The following KLHL26 variants were observed in gnomAD, a reference collection of about 807,000 sequenced individuals.
The protein encoded by KLHL26 is kelch like family member 26.
In KLHL26, 4 loss-of-function variants were observed where a neutral mutation model predicts 7.1. The ratio of observed to expected loss-of-function variants is 0.56; its 90% CI spans 0.28 to 1.28. KLHL26 has a LOEUF of 1.28. Among genes scored for constraint, KLHL26 ranks in the 50% most tolerant of loss-of-function variants. KLHL26 has a pLI of 0.11. For synonymous variants in KLHL26, 465 were observed against 414.1 expected (o/e 1.12, Z -1.49); for missense variants, 896 against 924.6 (o/e 0.97, Z 0.40).
chr19:18,637,581 CAAG>C, intron 1 of KLHL26, among the ~76,000 whole-genome samples: 1 of 151,612 alleles, frequency 6.6e-6, no homozygotes, highest in Non-Finnish European at 1.5e-5. Context: ...TGAAGGGCCC[CAAG>C]GTGGCTAAAG....
rs1466306181 is a variant in KLHL26, at chr19:18,668,532, G to A, written c.1135G>A (p.Ala379Thr). ...QHLQYRSGEG[A>T]VDACYRYDPH... is the part of the protein sequence containing the mutation. ...CCTGCAGTACCGCAGCGGCGAGGGC[G>A]CAGTGGACGCCTGCTACCGCTACGA... Residue 379 changes from alanine (A) to threonine (T), a missense_variant, in exon 3 of 3, where the codon GCA (alanine) becomes ACA (threonine). Transcript: ENST00000300976. The A allele has an allele frequency of 1.3e-6, 2 of 1,595,280 alleles. No individual in the cohort carries two copies. Among genetic ancestry groups the A allele is most frequent in the South Asian group, 1.1e-5 (1 of 90,656 alleles).
intron 2 of KLHL26, 106 bp from the exon 3 acceptor site, chr19:18,667,558 C>T (rs768542631): frequency 4.6e-4 from 689 of 1,503,598 alleles, no homozygotes; most frequent in Non-Finnish European, 5.9e-4. Context: ...TGGCTGTGCC[C>T]TGTGTTCTGT....
intron 1 of KLHL26, among the ~76,000 whole-genome samples, chr19:18,654,420 C>T (rs1190243703): frequency 1.3e-5 from 2 of 150,090 alleles, no homozygotes; most frequent in East Asian, 4.0e-4. Context: ...CATCTACTCA[C>T]CTATCACTAT....
chr19:18,664,192 T>C (rs1600707188), intron 1 of KLHL26, 69 bp from the exon 2 acceptor site: 1 of 1,387,342 alleles, frequency 7.2e-7, no homozygotes, highest in Non-Finnish European at 9.7e-7. Flanking sequence ...TTGCACTGAG[T>C]GTTGTGTTCA....
chr19:18,638,848 G>C (rs546731386), intron 1 of KLHL26, among the ~76,000 whole-genome samples: 81 of 149,424 alleles, frequency 5.4e-4, no homozygotes, highest in African/African-American at 1.9e-3. Context: ...CTACAGGTGT[G>C]CACCACCACA....
chr19:18,650,274 CAG>C lies in KLHL26; in HGVS notation c.83+13142_83+13143del, dbSNP rs1323640735. Among the ~76,000 whole-genome samples, 1 of 152,180 alleles carries C rather than the reference CAG, an allele frequency of 6.6e-6. No individual in the cohort carries two copies. The highest frequency in any genetic ancestry group is 2.4e-5 in the African/African-American group (1 of 41,440). On this transcript the variant is annotated intron_variant, in intron 1 of 2. Transcript: ENST00000300976. This position sits in a 1 kb window ranked among gnomAD's most constrained non-coding sequence, Gnocchi z 4.2. Reference sequence around the variant, plus strand: ...AGGCAGTCTGCCTAAGGAGGCAGAGCAGAGAGGCATGTGATCACCCAGATCGT... The same window carrying C: ...AGGCAGTCTGCCTAAGGAGGCAGAGCAGAGGCATGTGATCACCCAGATCGT...
chr19:18,653,761 C>CACCCATCCACCT (rs1490407031), intron 1 of KLHL26, among the ~76,000 whole-genome samples: 156 of 6,232 alleles, frequency 0.025, 29 homozygotes, highest in Middle Eastern at 0.1. Flanking sequence ...CCCATCCATC[C>CACCCATCCACCT]GCCCTTCCAT....
At chr19:18,667,622 C>G (rs1158693583) in intron 2 of KLHL26, 42 bp from the exon 3 acceptor site, 1 of 1,574,790 alleles carries the variant, frequency 6.4e-7, no homozygotes, top group Non-Finnish European at 8.6e-7. Context: ...CCAAAACACC[C>G]CTCAGCCACT....
At chr19:18,639,688 G>T (rs192145257) in intron 1 of KLHL26, among the ~76,000 whole-genome samples, 1 of 152,038 alleles carries the variant, frequency 6.6e-6, no homozygotes, top group African/African-American at 2.4e-5. Context: ...GGGATTACAG[G>T]TGTGAACCAC....
rs1156693474 is a variant in KLHL26 at position 18,668,640 on chromosome 19, G to T, written c.1243G>T (p.Val415Leu). Residue 415 changes from valine to leucine, a missense_variant, in exon 3 of 3, where the codon GTG (valine) becomes TTG (leucine). By Grantham distance (32) the Val-to-Leu change is conservative. Transcript: ENST00000300976. ...CCAGCTGAACGTGCTGTGCGGCATG[G>T]TGTACGCCACGGGCGGCCGCAACCG... ...QFQLNVLCGM[V>L]YATGGRNRAG... The T allele has an allele frequency of 1.3e-6, 2 of 1,576,118 alleles. No homozygotes were observed. Among genetic ancestry groups the T allele is most frequent in the East Asian group, 2.3e-5 (1 of 43,428 alleles).
Position 18,664,277 on chromosome 19 carries a change from G to C in KLHL26, c.100G>C (p.Gly34Arg). 2 of 1,602,572 alleles carry C rather than the reference G, an allele frequency of 1.2e-6. No individual in the cohort carries two copies. Among genetic ancestry groups the C allele is most frequent in the East Asian group, 2.2e-5 (1 of 44,752 alleles). ...TCCCCGCAGCACGGCCGACAAGAAC[G>C]GGGCCCTCAAGTGCACCTTCTCGGC... is the stretch of plus-strand genomic sequence containing the variant. ...ERPNSTADKN[G>R]ALKCTFSAPS... Residue 34 changes from glycine to arginine, a missense_variant, in exon 2 of 3, where the codon GGG (glycine) becomes CGG (arginine). By Grantham distance (125) the Gly-to-Arg change is moderately radical (BLOSUM62 -2). Transcript: ENST00000300976.
chr19:18,664,792 G>A (rs1174524921), intron 2 of KLHL26, among the ~76,000 whole-genome samples: 1 of 151,960 alleles, frequency 6.6e-6, no homozygotes, highest in Non-Finnish European at 1.5e-5. Flanking sequence ...CACCATGTTG[G>A]CCAGGCTGGT....
At chr19:18,667,344 TTTTG>T (rs540628287) in intron 2 of KLHL26, 9,542 of 405,576 alleles carry the variant, frequency 0.024, 170 homozygotes, top group Non-Finnish European at 0.029. Flanking sequence ...CTTTGCATGT[TTTTG>T]TTTGTTTGTT....
rs528651742 is a variant in KLHL26 at position 18,669,128 on chromosome 19, C to T, written c.1731C>T (p.Ile577=). The change falls in exon 3 of 3, where the codon ATC becomes ATT. Residue 577 remains isoleucine (I), a synonymous_variant. Transcript: ENST00000300976. ...GGCGTCTCAACAACGTCACGGGCAT[C>T]GTACAGGTGTACAACACGGACACCG... The part of the protein sequence containing the change: ...YNWRLNNVTG[I]VQVYNTDTDE... 1.8e-5 allele frequency: 29 copies of T among 1,612,936 alleles called. No homozygotes were observed. The South Asian group carries it at 2.3e-4, about 13-fold the overall frequency.
At chr19:18,667,092 G>GAGTTGCTAA (rs1171586539) in intron 2 of KLHL26, among the ~76,000 whole-genome samples, 1 of 152,200 alleles carries the variant, frequency 6.6e-6, no homozygotes, top group Non-Finnish European at 1.5e-5. Flanking sequence ...GAGGGGCCAA[G>GAGTTGCTAA]CAGGGAGTTG....
In KLHL26 at chr19:18,671,534, C is replaced by G. The variant is rs2052524673; in HGVS notation, c.*2289C>G. 6.6e-6 allele frequency: 1 copy of G among 152,300 alleles called. No homozygotes were observed. Among genetic ancestry groups the G allele is most frequent in the African/African-American group, 2.4e-5 (1 of 41,444 alleles). The allele number at this position is 152,300 out of a possible 1,614,324, so 9.4% of individuals were successfully genotyped here. ...CCCAGTGAGCTGGCAGGGGCGCCGG[C>G]CCAGGGCGGGGGGCGCTGCTGTATC... On this transcript the variant is annotated 3_prime_UTR_variant, in exon 3 of 3. Transcript: ENST00000300976.
rs1350426934 is a variant in KLHL26 at position 18,671,181 on chromosome 19, C to A, written c.*1936C>A. 1 of 152,282 alleles carries A rather than the reference C, an allele frequency of 6.6e-6. No homozygotes were observed. Among genetic ancestry groups the A allele is most frequent in the East Asian group, 1.9e-4 (1 of 5,204 alleles). The allele number at this position is 152,282 out of a possible 1,614,324, so 9.4% of individuals were successfully genotyped here. A position where few individuals can be genotyped will look rare whatever the true frequency, so the allele number is the denominator to read the frequency against. The stretch of plus-strand genomic sequence containing the variant: ...GGGAGGCCCTGGGATATCACACACA[C>A]ATGGATCTCCATAAGTTGCTGTGCC... On this transcript the variant is annotated 3_prime_UTR_variant, in exon 3 of 3. Transcript: ENST00000300976.
At chr19:18,638,644 A>C (rs1976659926) in intron 1 of KLHL26, among the ~76,000 whole-genome samples, 1 of 152,238 alleles carries the variant, frequency 6.6e-6, no homozygotes, top group Non-Finnish European at 1.5e-5. Context: ...AGTGAACCCC[A>C]GGTCCCTGCC....
Position 18,664,395 on chromosome 19 carries a change from C to T in KLHL26, c.218C>T (p.Ala73Val), listed in dbSNP as rs1306330415. The change falls in exon 2 of 3, where the codon GCC becomes GTC. Residue 73 changes from alanine (A) to valine (V), a missense_variant. By Grantham distance (64) the Ala-to-Val change is moderately conservative (BLOSUM62 0). Coordinates refer to ENST00000300976, the MANE Select transcript of KLHL26 (RefSeq NM_018316.3). ...LDVVLTINRE[A>V]FPAHKVVLAA... Reference sequence around the variant, plus strand: ...GTTGTGCTGACTATTAACAGAGAGGCCTTTCCTGCACACAAGGTCGTCCTG... The same window carrying T: ...GTTGTGCTGACTATTAACAGAGAGGTCTTTCCTGCACACAAGGTCGTCCTG... 6.2e-7 allele frequency: 1 copy of T among 1,605,708 alleles called. No individual in the cohort carries two copies. Among genetic ancestry groups the T allele is most frequent in the Non-Finnish European group, 8.5e-7 (1 of 1,177,150 alleles).
Sources: gnomAD v4.1 joint callset for allele counts (sites outside exome capture counted in the v4.1 genomes callset) on GRCh38, gnomAD v4.1.1 for gene constraint, Gnocchi (gnomAD v3.1) non-coding constraint, MANE v1.5 for transcripts, NCBI Gene and HGNC (gene_info 2026-07-23, HGNC 2026-07-21) for gene names.